The following TEAD4 variants were observed in gnomAD, a reference collection of about 807,000 sequenced individuals.
The protein encoded by TEAD4 is transcriptional enhancer factor TEF-3.
In TEAD4, 36 loss-of-function variants were observed where a neutral mutation model predicts 52.4. The ratio of observed to expected loss-of-function variants is 0.69; its 90% CI spans 0.53 to 0.91. The LOEUF (loss-of-function observed/expected upper bound fraction) is 0.91, where lower values mean the gene tolerates loss of function less well. Among genes scored for constraint, TEAD4 ranks in the 40% least tolerant of loss-of-function variants. The pLI, the probability that TEAD4 is intolerant of heterozygous loss-of-function variation, is 0.00. For missense variants in TEAD4, 508 were observed against 583.9 expected, an observed-to-expected ratio of 0.87 and a Z score of 1.34; for synonymous variants, 220 against 231.0, an observed-to-expected ratio of 0.95 and a Z score of 0.43.
intron 2 of TEAD4, among the ~76,000 whole-genome samples, chr12:2,965,575 G>C (rs562112879): frequency 6.6e-6 from 1 of 151,678 alleles, no homozygotes. Flanking sequence ...TTTTTGAGAC[G>C]GAGTCTCGCT....
chr12:3,037,375 G>A (rs1467276223), intron 10 of TEAD4, among the ~76,000 whole-genome samples: 1 of 152,128 alleles, frequency 6.6e-6, no homozygotes, highest in Non-Finnish European at 1.5e-5. Context: ...AAGGTGACGG[G>A]ACCCAGCAGT....
intron 2 of TEAD4, among the ~76,000 whole-genome samples, chr12:2,977,002 C>T (rs954894625): frequency 2.6e-5 from 4 of 152,216 alleles, no homozygotes; most frequent in African/African-American, 9.6e-5. Flanking sequence ...CTCTCTGTCC[C>T]GCCCTCCATC....
intron 10 of TEAD4, among the ~76,000 whole-genome samples, chr12:3,028,706 C>G (rs1401053745): frequency 6.6e-6 from 1 of 152,088 alleles, no homozygotes; most frequent in Non-Finnish European, 1.5e-5. Flanking sequence ...TTTTGGCTCA[C>G]TGCAACCTCT....
chr12:3,000,857 C>G (rs989164296), intron 3 of TEAD4, among the ~76,000 whole-genome samples: 8 of 152,168 alleles, frequency 5.3e-5, no homozygotes, highest in African/African-American at 1.9e-4. Context: ...CAGACTCAGC[C>G]TGAGTTTGGG....
chr12:3,005,299 G>A (rs978703981), intron 3 of TEAD4, among the ~76,000 whole-genome samples: 5 of 121,506 alleles, frequency 4.1e-5, no homozygotes, highest in African/African-American at 8.9e-5. Flanking sequence ...TTGTTTTTCC[G>A]TTTTGTTTGT....
At chr12:3,031,357 G>C (rs893494061) in intron 10 of TEAD4, among the ~76,000 whole-genome samples, 1 of 152,228 alleles carries the variant, frequency 6.6e-6, no homozygotes, top group Non-Finnish European at 1.5e-5. Context: ...TCAGAGCGGA[G>C]ACCCAGTTGG....
intron 2 of TEAD4, among the ~76,000 whole-genome samples, chr12:2,991,238 A>G (rs1403121700): frequency 6.6e-6 from 1 of 152,240 alleles, no homozygotes; most frequent in Admixed American, 6.5e-5. Context: ...GTGATGAAAA[A>G]TAAAAAACCA....
At chr12:3,022,084 G>C in intron 10 of TEAD4, 67 bp downstream of exon 10, 1 of 1,570,502 alleles carries the variant, frequency 6.4e-7, no homozygotes. Flanking sequence ...CGGGGCGAGA[G>C]TGCCCAGAGT....
At chr12:2,993,238 T>C (rs2098244602) in intron 2 of TEAD4, among the ~76,000 whole-genome samples, 1 of 152,238 alleles carries the variant, frequency 6.6e-6, no homozygotes, top group Non-Finnish European at 1.5e-5. Context: ...ACCGAAACTC[T>C]GTACCTGTCA....
chr12:3,026,236 C>T (rs4766023), intron 10 of TEAD4, among the ~76,000 whole-genome samples: 121,513 of 151,748 alleles, frequency 0.8, 49,551 homozygotes, highest in East Asian at 1. Context: ...ACGATTTTTA[C>T]CATTTATTTT....
chr12:3,012,383 C>T lies in TEAD4; in HGVS notation c.354+151C>T, dbSNP rs958447593. The T allele has an allele frequency of 1.3e-5, 10 of 797,092 alleles. No homozygotes were observed. In the African/African-American group the frequency reaches 1.7e-4, roughly 14 times the overall value. The allele number at this position is 797,092 out of a possible 1,614,324, so 49.4% of individuals were successfully genotyped here. A position where few individuals can be genotyped will look rare whatever the true frequency, so the allele number is the denominator to read the frequency against. ...GCCAGGTTGGGCCTGTAACCTCTCT[C>T]CCATCCGCACAAGAGGGCCAAGTGT... On this transcript the variant is annotated intron_variant, in intron 5 of 12. Transcript: ENST00000359864.
In TEAD4 at chr12:2,959,790, A is replaced by G. The variant is rs1250092887; in HGVS notation, c.-122-158A>G. On this transcript the variant is annotated intron_variant, in intron 1 of 12. Coordinates refer to ENST00000359864, the MANE Select transcript of TEAD4 (RefSeq NM_003213.4). This position sits in a 1 kb window ranked among gnomAD's most constrained non-coding sequence, Gnocchi z 5.1. ...GTTTTCCCGTCAGTCCCATTCTGGG[A>G]AAACTCCTCCCTCCGCGCGCTCCGC... 3 of 141,114 alleles carry G rather than the reference A, an allele frequency of 2.1e-5. No individual in the cohort carries two copies. The highest frequency in any genetic ancestry group is 4.4e-5 in the Non-Finnish European group (3 of 67,722). The allele number at this position is 141,114 out of a possible 1,614,324, so 8.7% of individuals were successfully genotyped here.
At chr12:3,022,263 G>A (rs2098269243) in intron 10 of TEAD4, among the ~76,000 whole-genome samples, 1 of 152,230 alleles carries the variant, frequency 6.6e-6, no homozygotes, top group Non-Finnish European at 1.5e-5. Context: ...TGGCAGCTAA[G>A]CCGGGCTAAC....
At chr12:2,989,324 G>C (rs2098241233) in intron 2 of TEAD4, among the ~76,000 whole-genome samples, 1 of 152,048 alleles carries the variant, frequency 6.6e-6, no homozygotes, top group Admixed American at 6.6e-5. Flanking sequence ...CTTCACTCTT[G>C]AATGATTTTT....
intron 3 of TEAD4, among the ~76,000 whole-genome samples, chr12:3,002,316 C>T (rs2153955950): frequency 6.6e-6 from 1 of 152,316 alleles, no homozygotes; most frequent in South Asian, 2.1e-4. Context: ...ATGACTAATA[C>T]TGCAGTGAAC....
intron 5 of TEAD4, among the ~76,000 whole-genome samples, chr12:3,013,779 G>T (rs1480488845): frequency 1.3e-5 from 2 of 152,324 alleles, no homozygotes; most frequent in East Asian, 3.9e-4. Context: ...TGTAATCCCA[G>T]GTACTTGGAG....
intron 10 of TEAD4, among the ~76,000 whole-genome samples, chr12:3,033,683 C>T (rs1040625015): frequency 2.6e-5 from 4 of 152,238 alleles, no homozygotes; most frequent in African/African-American, 7.2e-5. Context: ...GTCACCCGAT[C>T]CCCCACACCT....
At chr12:3,016,081 G>T (rs1270722036) in intron 5 of TEAD4, among the ~76,000 whole-genome samples, 1 of 152,008 alleles carries the variant, frequency 6.6e-6, no homozygotes, top group Non-Finnish European at 1.5e-5. Flanking sequence ...AGGCTGGAGT[G>T]TAGTGGTGCA....
At chr12:3,017,816 T>A (rs1456893162) in intron 6 of TEAD4, among the ~76,000 whole-genome samples, 1 of 152,092 alleles carries the variant, frequency 6.6e-6, no homozygotes, top group Non-Finnish European at 1.5e-5. Context: ...GTTGGCCTAA[T>A]TTACAGATGA....
Sources: gnomAD v4.1 joint callset for allele counts (sites outside exome capture counted in the v4.1 genomes callset) on GRCh38, gnomAD v4.1.1 for gene constraint, Gnocchi (gnomAD v3.1) non-coding constraint, MANE v1.5 for transcripts, NCBI Gene and HGNC (gene_info 2026-07-23, HGNC 2026-07-21) for gene names.